Variants in EBAG9 observed in about 807,000 individuals in gnomAD.
EBAG9 encodes receptor-binding cancer antigen expressed on SiSo cells.
In EBAG9, 16 loss-of-function variants were observed where a neutral mutation model predicts 30.9. The ratio of observed to expected loss-of-function variants is 0.52; its 90% CI spans 0.35 to 0.79. The LOEUF (loss-of-function observed/expected upper bound fraction) is 0.79, where lower values mean the gene tolerates loss of function less well. EBAG9 is among the 30% of genes least tolerant of loss of function. The pLI is 0.01. For synonymous variants in EBAG9, 93 were observed against 82.8 expected, an observed-to-expected ratio of 1.12 and a Z score of -0.67; for missense variants, 197 against 242.1, an observed-to-expected ratio of 0.81 and a Z score of 1.24.
At position 109,565,101 on chromosome 8, in the gene EBAG9, G is replaced by A. The variant is rs995445875; in HGVS notation, c.*542G>A. Reference sequence around the variant, plus strand: ...TTGTTTACGTTTGATACAACATTAAGGAATTTGATGATTTTCATTTCATGA... The same window carrying A: ...TTGTTTACGTTTGATACAACATTAAAGAATTTGATGATTTTCATTTCATGA... On this transcript the variant is annotated 3_prime_UTR_variant, in exon 7 of 7. Transcript: ENST00000337573. 5.3e-5 allele frequency: 8 copies of A among 152,306 alleles called. No individual in the cohort carries two copies. Among genetic ancestry groups the A allele is most frequent in the Non-Finnish European group, 1.2e-4 (8 of 67,920 alleles). The allele number at this position is 152,306 out of a possible 1,614,324, so 9.4% of individuals were successfully genotyped here. A position where few individuals can be genotyped will look rare whatever the true frequency, so the allele number is the denominator to read the frequency against.
intron 6 of EBAG9, chr8:109,563,325 C>A: frequency 6.5e-7 from 1 of 1,539,486 alleles, no homozygotes; most frequent in South Asian, 1.2e-5. Flanking sequence ...TATTCCATGC[C>A]CAATTGTGAC....
chr8:109,564,316 A>C (rs1017757687), intron 6 of EBAG9, 123 bp from the exon 7 acceptor site: 33 of 1,334,572 alleles, frequency 2.5e-5, no homozygotes, highest in African/African-American at 4.5e-5. Flanking sequence ...TTAGTGAGAA[A>C]ATTTTAAGAC....
chr8:109,547,753 T>C (rs992802108), intron 1 of EBAG9, among the ~76,000 whole-genome samples: 1 of 152,204 alleles, frequency 6.6e-6, no homozygotes, highest in Non-Finnish European at 1.5e-5. Flanking sequence ...GTGCTGGGAT[T>C]ACAGGTGTGA....
intron 1 of EBAG9, among the ~76,000 whole-genome samples, chr8:109,546,599 G>A (rs1821389513): frequency 6.6e-6 from 1 of 152,190 alleles, no homozygotes; most frequent in Admixed American, 6.5e-5. Flanking sequence ...ATGCAAATTA[G>A]TAAACTTTCT....
At chr8:109,549,427 C>G (rs1216118185) in intron 1 of EBAG9, among the ~76,000 whole-genome samples, 1 of 151,930 alleles carries the variant, frequency 6.6e-6, no homozygotes, top group African/African-American at 2.4e-5. Flanking sequence ...AATATTCCTT[C>G]TTCAGTTTTT....
chr8:109,541,818 T>C (rs1456582397), intron 1 of EBAG9, among the ~76,000 whole-genome samples: 1 of 152,202 alleles, frequency 6.6e-6, no homozygotes, highest in Non-Finnish European at 1.5e-5. Flanking sequence ...TTTAGATGAA[T>C]AGGGACATTA....
At chr8:109,560,598 T>C (rs1413724924) in intron 5 of EBAG9, among the ~76,000 whole-genome samples, 4 of 152,132 alleles carry the variant, frequency 2.6e-5, no homozygotes, top group Non-Finnish European at 1.5e-5. Flanking sequence ...GAGTATCCCA[T>C]GAAACATAAA....
At chr8:109,558,054 A>G (rs1376440814) in intron 5 of EBAG9, 1 of 158,962 alleles carries the variant, frequency 6.3e-6, no homozygotes, top group Non-Finnish European at 1.4e-5. Flanking sequence ...TCCAGCCCAC[A>G]TGCAAGCCTC....
upstream of EBAG9, chr8:109,539,865 G>C (rs930423685): frequency 2.6e-5 from 4 of 152,182 alleles, no homozygotes; most frequent in African/African-American, 9.7e-5. Flanking sequence ...GTGTGCGCGC[G>C]CGGCCCGCGG....
chr8:109,551,405 T>G (rs1383675151), intron 2 of EBAG9, among the ~76,000 whole-genome samples: 1 of 152,136 alleles, frequency 6.6e-6, no homozygotes, highest in Non-Finnish European at 1.5e-5. Context: ...GTCATTTGCT[T>G]TAGGACATCA....
chr8:109,549,810 G>C (rs768347088), intron 1 of EBAG9, among the ~76,000 whole-genome samples: 7 of 151,992 alleles, frequency 4.6e-5, no homozygotes, highest in Non-Finnish European at 1.5e-5. Flanking sequence ...ACTGTGAAAT[G>C]ACCACTTTTA....
chr8:109,555,452 T>C (rs1242976557), intron 4 of EBAG9, among the ~76,000 whole-genome samples: 1 of 152,224 alleles, frequency 6.6e-6, no homozygotes, highest in East Asian at 1.9e-4. Context: ...TCAAATGACC[T>C]AGACATAGTT....
At position 109,557,004 on chromosome 8, in the gene EBAG9, T is replaced by C; in HGVS notation, c.391T>C (p.Leu131=). The C allele has an allele frequency of 2.5e-6, 4 of 1,608,068 alleles. No homozygotes were observed. Among genetic ancestry groups the C allele is most frequent in the Non-Finnish European group, 3.4e-6 (4 of 1,176,564 alleles). The part of the protein sequence containing the change: ...PDGSTGFSSR[L]AATQDLPFIH... ...TGGGAGCACAGGTTTCTCTAGTAGA[T>C]TAGCAGCTACACAAGATCTGCCTTT... Residue 131 remains leucine, a synonymous_variant, in exon 5 of 7, where the codon TTA becomes CTA. Transcript: ENST00000337573.
intron 1 of EBAG9, among the ~76,000 whole-genome samples, chr8:109,548,702 C>T (rs1329524748): frequency 6.6e-6 from 1 of 151,942 alleles, no homozygotes; most frequent in Non-Finnish European, 1.5e-5. Flanking sequence ...GATTTGTCCT[C>T]AAGTATCATT....
intron 2 of EBAG9, among the ~76,000 whole-genome samples, chr8:109,552,368 TG>T (rs1390874462): frequency 6.6e-6 from 1 of 151,792 alleles, no homozygotes; most frequent in Non-Finnish European, 1.5e-5. Context: ...AAAATTTAGG[TG>T]GTTGACTTGA....
rs1821530585 is a variant in EBAG9, at chr8:109,553,315, T to G, written c.84-550T>G. ...TAGAAGTAACATTGAAAACTGTGGT[T>G]TACACAGATTCCACAGCCCATGTTC... On this transcript the variant is annotated intron_variant, in intron 2 of 6. Coordinates refer to ENST00000337573, the MANE Select transcript of EBAG9 (RefSeq NM_004215.5). 1.3e-5 allele frequency among the ~76,000 whole-genome samples: 2 copies of G among 152,220 alleles called. 1 individual carries two copies. The highest frequency in any genetic ancestry group is 4.1e-4 in the South Asian group (2 of 4,836).
Position 109,563,259 on chromosome 8 carries a change from T to TC in EBAG9, c.522-1175dup, listed in dbSNP as rs893637109. ...TCACTCACTGTAGTTAATATTGAGC[T>TC]CCCCCAGACATAGATAATCCACTTT... On this transcript the variant is annotated intron_variant, in intron 6 of 6. Transcript: ENST00000337573. 7 of 866,828 alleles carry TC rather than the reference T, an allele frequency of 8.1e-6. No individual in the cohort carries two copies. In the African/African-American group the frequency reaches 1.2e-4, roughly 15 times the overall value. 53.7% of individuals were successfully genotyped at this position (866,828 alleles called of 1,614,324 possible). A position where few individuals can be genotyped will look rare whatever the true frequency, so the allele number is the denominator to read the frequency against.
At chr8:109,554,597 T>G in intron 3 of EBAG9, 132 bp from the exon 4 acceptor site, 1 of 748,386 alleles carries the variant, frequency 1.3e-6, no homozygotes, top group Non-Finnish European at 2.1e-6. Flanking sequence ...TGATATGAAA[T>G]GTATGTTTTC....
chr8:109,547,534 G>A (rs1266532770), intron 1 of EBAG9, among the ~76,000 whole-genome samples: 1 of 150,758 alleles, frequency 6.6e-6, no homozygotes, highest in Admixed American at 6.6e-5. Flanking sequence ...AGGCTGGAGT[G>A]CAGTGGCGTG....
Sources: gnomAD v4.1 joint callset for allele counts (sites outside exome capture counted in the v4.1 genomes callset) on GRCh38, gnomAD v4.1.1 for gene constraint, MANE v1.5 for transcripts, NCBI Gene and HGNC (gene_info 2026-07-23, HGNC 2026-07-21) for gene names.